The following SGK3 variants were observed in gnomAD, a reference collection of about 807,000 sequenced individuals.
SGK3 encodes serine/threonine-protein kinase Sgk3.
A neutral mutation model predicts 68.5 loss-of-function variants in SGK3; 47 were observed. The observed-to-expected ratio is 0.69, with a 90% CI of 0.54 to 0.87. The LOEUF (loss-of-function observed/expected upper bound fraction) is 0.87, where lower values mean the gene tolerates loss of function less well. Ranked by LOEUF, SGK3 falls within the 40% of genes least tolerant of loss-of-function variation. The probability of loss-of-function intolerance (pLI) is 0.00; values close to 1 mark genes in which losing one functional copy is unlikely to be tolerated. For synonymous variants in SGK3, 181 were observed against 189.1 expected, an observed-to-expected ratio of 0.96 and a Z score of 0.35; for missense variants, 479 against 575.5, an observed-to-expected ratio of 0.83 and a Z score of 1.72.
intron 1 of SGK3, among the ~76,000 whole-genome samples, chr8:66,716,680 G>T (rs906904870): frequency 1.3e-4 from 20 of 152,136 alleles, no homozygotes; most frequent in African/African-American, 4.3e-4. Context: ...TGATGTTAGT[G>T]AGGTCTTGTG....
At position 66,779,588 on chromosome 8, in the gene SGK3, AT is replaced by A. The variant is rs1563623005; in HGVS notation, c.-121-14027del. Among the ~76,000 whole-genome samples, 791 of 137,452 alleles carry A rather than the reference AT, an allele frequency of 5.8e-3. 7 individuals are homozygous for A. Among genetic ancestry groups the A allele is most frequent in the African/African-American group, 0.02 (759 of 37,696 alleles). The allele number at this position is 137,452 out of a possible 152,430, so 90.2% of individuals were successfully genotyped here. ...TATATATATATATATATATATATAT[AT>A]ATATATATATATAAAACACATTTTT... On this transcript the variant is annotated intron_variant, in intron 1 of 16. Coordinates refer to ENST00000521198, the MANE Select transcript of SGK3 (RefSeq NM_001033578.3).
intron 1 of SGK3, among the ~76,000 whole-genome samples, chr8:66,782,388 A>G (rs1338085512): frequency 2.0e-5 from 3 of 150,474 alleles, no homozygotes; most frequent in Admixed American, 1.3e-4. Context: ...TTCCCCATAT[A>G]TCTGTGCTGC....
chr8:66,767,919 TC>T, intron 1 of SGK3: 1 of 1,101,120 alleles, frequency 9.1e-7, no homozygotes, highest in Non-Finnish European at 1.4e-6. Context: ...TGATTGAAGG[TC>T]CAGACCCCAG....
chr8:66,728,289 C>G (rs1284426550), intron 1 of SGK3, among the ~76,000 whole-genome samples: 1 of 151,378 alleles, frequency 6.6e-6, no homozygotes, highest in Non-Finnish European at 1.5e-5. Flanking sequence ...ATAATGTTTT[C>G]AATGCTTATC....
At chr8:66,827,386 CAAAAA>C (rs757439616) in intron 6 of SGK3, among the ~76,000 whole-genome samples, 2 of 52,338 alleles carry the variant, frequency 3.8e-5, no homozygotes, top group African/African-American at 1.2e-4. Context: ...AACTCTATCT[CAAAAA>C]AAAAAAAAAA....
Position 66,824,657 on chromosome 8 carries a change from A to T in SGK3, c.417+2198A>T, listed in dbSNP as rs564618748. 4.6e-5 allele frequency among the ~76,000 whole-genome samples: 7 copies of T among 152,336 alleles called. No homozygotes were observed. The East Asian group carries it at 7.7e-4, about 17-fold the overall frequency. On this transcript the variant is annotated intron_variant, in intron 6 of 16. Transcript: ENST00000521198. ...ACACAGAAAAAAGCAAAAGATGTTCATTTCAGTATGATCTGTTAAAAACAA... is the reference window on the plus strand; with the variant it reads ...ACACAGAAAAAAGCAAAAGATGTTCTTTTCAGTATGATCTGTTAAAAACAA...
rs1179760350 is a variant in SGK3 at position 66,860,450 on chromosome 8, A to G, written c.*869A>G. ...GCCTGGGCAACAAGAGTGAAACTCCATCTCCAAAAAAAAAAAGAAAAAGTA... is the reference window on the plus strand; with the variant it reads ...GCCTGGGCAACAAGAGTGAAACTCCGTCTCCAAAAAAAAAAAGAAAAAGTA... On this transcript the variant is annotated 3_prime_UTR_variant, in exon 17 of 17. Transcript: ENST00000521198. The G allele has an allele frequency of 1.3e-5, 2 of 152,050 alleles. No individual in the cohort carries two copies. Among genetic ancestry groups the G allele is most frequent in the African/African-American group, 2.4e-5 (1 of 41,420 alleles). 9.4% of individuals were successfully genotyped at this position (152,050 alleles called of 1,614,324 possible). A position where few individuals can be genotyped will look rare whatever the true frequency, so the allele number is the denominator to read the frequency against.
intron 15 of SGK3, 47 bp from the exon 16 acceptor site, chr8:66,850,784 A>C (rs1227661612): frequency 1.3e-6 from 2 of 1,533,328 alleles, no homozygotes; most frequent in East Asian, 4.8e-5. Flanking sequence ...GTTAGTACTT[A>C]ATATATTCTT....
At position 66,798,562 on chromosome 8, in the gene SGK3, A is replaced by T. The variant is rs1371947455; in HGVS notation, c.117A>T (p.Ser39=). The change falls in exon 3 of 17, where the codon TCA becomes TCT. Residue 39 remains serine, a synonymous_variant. Transcript: ENST00000521198. ...CACAGGTTTATAAAGTTCTGGTTTC[A>T]GTGGGAAGAAGTGAATGGTTTGTCT... is the stretch of plus-strand genomic sequence containing the variant. ...KRFTVYKVLV[S]VGRSEWFVFR... is the part of the protein sequence containing the mutation. 1 of 1,610,920 alleles carries T rather than the reference A, an allele frequency of 6.2e-7. No individual in the cohort carries two copies. Among genetic ancestry groups the T allele is most frequent in the Non-Finnish European group, 8.5e-7 (1 of 1,178,278 alleles).
chr8:66,786,925 C>CTTTTTTTTT (rs71249407), intron 1 of SGK3, among the ~76,000 whole-genome samples: 2 of 48,704 alleles, frequency 4.1e-5, no homozygotes, highest in African/African-American at 1.7e-4. Context: ...TTTTCTCTGT[C>CTTTTTTTTT]TTTTTTTTTT....
chr8:66,751,320 G>A (rs1585667120), intron 1 of SGK3, among the ~76,000 whole-genome samples: 1 of 151,926 alleles, frequency 6.6e-6, no homozygotes, highest in Non-Finnish European at 1.5e-5. Flanking sequence ...TTTAAGTACT[G>A]GTTTACATAT....
At chr8:66,838,352 C>A (rs562307881) in intron 10 of SGK3, among the ~76,000 whole-genome samples, 1 of 152,296 alleles carries the variant, frequency 6.6e-6, no homozygotes, top group Admixed American at 6.5e-5. Context: ...GCGTGAGCGA[C>A]CGCACCTGGC....
chr8:66,799,887 G>A (rs1325468349), intron 3 of SGK3, among the ~76,000 whole-genome samples: 1 of 152,158 alleles, frequency 6.6e-6, no homozygotes, highest in Non-Finnish European at 1.5e-5. Context: ...GCCTCCTAAT[G>A]TGCTAAGATT....
intron 1 of SGK3, among the ~76,000 whole-genome samples, chr8:66,715,728 T>C (rs1323834352): frequency 2.0e-5 from 3 of 152,196 alleles, no homozygotes; most frequent in Admixed American, 2.0e-4. Context: ...TTTATATGCT[T>C]TAAGTATAGC....
At chr8:66,750,159 A>G (rs1467440346) in intron 1 of SGK3, among the ~76,000 whole-genome samples, 1 of 152,116 alleles carries the variant, frequency 6.6e-6, no homozygotes, top group Non-Finnish European at 1.5e-5. Context: ...GGAAGAGATG[A>G]GTCAATAATG....
intron 5 of SGK3, among the ~76,000 whole-genome samples, chr8:66,815,654 C>A (rs566512279): frequency 4.6e-5 from 7 of 152,190 alleles, no homozygotes; most frequent in African/African-American, 1.7e-4. Flanking sequence ...TTTGTCTCTT[C>A]CTTTGACGAG....
At chr8:66,766,579 G>A (rs1380087252) in intron 1 of SGK3, among the ~76,000 whole-genome samples, 1 of 152,014 alleles carries the variant, frequency 6.6e-6, no homozygotes. Context: ...GTGTTGTTTA[G>A]GTCTTCTATA....
rs34161130 is a variant in SGK3 at position 66,847,864 on chromosome 8, CTTT to C, written c.1230+536_1230+538del. Among the ~76,000 whole-genome samples, 475 of 111,154 alleles carry C rather than the reference CTTT, an allele frequency of 4.3e-3. 1 individual carries two copies. Among genetic ancestry groups the C allele is most frequent in the Middle Eastern group, 0.011 (2 of 176 alleles). The allele number at this position is 111,154 out of a possible 152,430, so 72.9% of individuals were successfully genotyped here. On this transcript the variant is annotated intron_variant, in intron 15 of 16. Coordinates refer to ENST00000521198, the MANE Select transcript of SGK3 (RefSeq NM_001033578.3). ...GTCTTTTGCCTTGAACACTAAGTCA[CTTT>C]TTTTTTTTTTTTTTTTTTTAAGAAT...
At chr8:66,713,033 G>GA (rs1156564963) in intron 1 of SGK3, among the ~76,000 whole-genome samples, 200 bp downstream of exon 1, 1 of 152,212 alleles carries the variant, frequency 6.6e-6, no homozygotes, top group Non-Finnish European at 1.5e-5. Flanking sequence ...ATCCTGCCTC[G>GA]AGATTCCTAA....
Sources: allele counts gnomAD v4.1 joint callset (sites outside exome capture counted in the v4.1 genomes callset), GRCh38; gene constraint gnomAD v4.1.1; transcripts MANE v1.5; gene names NCBI Gene and HGNC (gene_info 2026-07-23, HGNC 2026-07-21).